NBEAL1: variants seen among roughly 807,000 people sequenced by gnomAD.
NBEAL1 encodes neurobeachin like 1, also known as neurobeachin-like protein 1.
In NBEAL1, 273 loss-of-function variants were observed where a neutral mutation model predicts 351.3. The observed-to-expected ratio is 0.78, with a 90% CI of 0.70 to 0.86. NBEAL1 has a LOEUF of 0.86. NBEAL1 is among the 40% of genes least tolerant of loss of function. NBEAL1 has a pLI of 0.00. For synonymous variants in NBEAL1, 1,050 were observed against 1,086.4 expected, an observed-to-expected ratio of 0.97 and a Z score of 0.66; for missense variants, 2,961 against 3,201.3, an observed-to-expected ratio of 0.92 and a Z score of 1.81.
intron 33 of NBEAL1, 92 bp downstream of exon 33, chr2:203,145,252 C>T: frequency 9.3e-7 from 1 of 1,070,266 alleles, no homozygotes; most frequent in South Asian, 2.1e-5. Context: ...AACTTTAAAA[C>T]AAGCAGTATT....
At position 203,127,714 on chromosome 2, in the gene NBEAL1, T is replaced by TC. The variant is rs1159483258; in HGVS notation, c.3249-65dup. Reference sequence around the variant, plus strand: ...TCCAGCCTGGGCAACAGAGCGAGACTCCATCTCAGAAAAAAGGAAATGTAA... The same window carrying TC: ...TCCAGCCTGGGCAACAGAGCGAGACTCCCATCTCAGAAAAAAGGAAATGTAA... On this transcript the variant is annotated intron_variant, in intron 23 of 55. Transcript: ENST00000683969. The TC allele has an allele frequency of 5.8e-6, 6 of 1,037,212 alleles. No homozygotes were observed. In the South Asian group the frequency reaches 6.0e-5, roughly 10 times the overall value. The allele number at this position is 1,037,212 out of a possible 1,614,324, so 64.3% of individuals were successfully genotyped here.
chr2:203,216,857 A>T (rs1185118012), intron 55 of NBEAL1, among the ~76,000 whole-genome samples: 1 of 152,134 alleles, frequency 6.6e-6, no homozygotes, highest in Non-Finnish European at 1.5e-5. Context: ...AGGCTGGAGG[A>T]CAGTGGCACG....
chr2:203,023,787 A>G (rs1574858162), intron 2 of NBEAL1, among the ~76,000 whole-genome samples: 1 of 152,268 alleles, frequency 6.6e-6, no homozygotes. Context: ...TGCTGGAAAT[A>G]AAGATTTGAG....
At chr2:203,150,740 G>T (rs2106352358) in intron 34 of NBEAL1, among the ~76,000 whole-genome samples, 1 of 151,762 alleles carries the variant, frequency 6.6e-6, no homozygotes, top group African/African-American at 2.4e-5. Flanking sequence ...CAATTATATT[G>T]CCTTTATTTG....
intron 7 of NBEAL1, among the ~76,000 whole-genome samples, chr2:203,075,701 G>A (rs1269563970): frequency 6.6e-6 from 1 of 152,186 alleles, no homozygotes; most frequent in Non-Finnish European, 1.5e-5. Flanking sequence ...CTCAGCAAAT[G>A]GCTGTGTTCT....
At chr2:203,032,062 A>C in intron 2 of NBEAL1, among the ~76,000 whole-genome samples, 1 of 152,238 alleles carries the variant, frequency 6.6e-6, no homozygotes, top group East Asian at 1.9e-4. Context: ...CCAGAAGTTC[A>C]GTAATGAGTA....
intron 18 of NBEAL1, among the ~76,000 whole-genome samples, chr2:203,121,921 G>A (rs1410424129): frequency 1.3e-5 from 2 of 151,890 alleles, no homozygotes; most frequent in Non-Finnish European, 2.9e-5. Context: ...GAGTAGCTGG[G>A]ATTACAGGTG....
chr2:203,046,364 C>T (rs761383616), intron 3 of NBEAL1, among the ~76,000 whole-genome samples: 47 of 152,018 alleles, frequency 3.1e-4, no homozygotes, highest in Non-Finnish European at 5.9e-4. Context: ...TACAGGCACC[C>T]GCCACCACGC....
intron 47 of NBEAL1, among the ~76,000 whole-genome samples, chr2:203,195,029 C>G (rs969011671): frequency 6.6e-6 from 1 of 151,888 alleles, no homozygotes; most frequent in Admixed American, 6.6e-5. Context: ...AACCCCGTCT[C>G]TACTAAAAAA....
At chr2:203,020,944 G>C (rs570678531) in intron 2 of NBEAL1, among the ~76,000 whole-genome samples, 97 of 152,104 alleles carry the variant, frequency 6.4e-4, no homozygotes, top group African/African-American at 2.2e-3. Context: ...TTTTGGAGAC[G>C]GAGTCTCACT....
intron 31 of NBEAL1, among the ~76,000 whole-genome samples, chr2:203,139,078 G>A (rs1040784286): frequency 6.6e-6 from 1 of 151,522 alleles, no homozygotes; most frequent in Non-Finnish European, 1.5e-5. Context: ...TGCAGTTTAG[G>A]GCTTGAATTT....
chr2:203,218,972 G>A lies in NBEAL1; in HGVS notation c.*1618G>A, dbSNP rs540667747. On this transcript the variant is annotated 3_prime_UTR_variant, in exon 56 of 56. Transcript: ENST00000683969. ...AAATAGAACATATTTAAATGTCAAG[G>A]TGTCTTTTCTTAAGACTTCAGGAAT... 3.3e-5 allele frequency: 5 copies of A among 152,212 alleles called. No individual in the cohort carries two copies. The South Asian group carries it at 8.3e-4, about 25-fold the overall frequency. The allele number at this position is 152,212 out of a possible 1,614,324, so 9.4% of individuals were successfully genotyped here.
At chr2:203,077,343 C>T (rs1406669321) in intron 7 of NBEAL1, among the ~76,000 whole-genome samples, 1 of 151,852 alleles carries the variant, frequency 6.6e-6, no homozygotes, top group African/African-American at 2.4e-5. Flanking sequence ...GCACTCCAGC[C>T]TGGGCGATAT....
At chr2:203,124,101 C>T (rs1355825435) in intron 19 of NBEAL1, among the ~76,000 whole-genome samples, 1 of 152,140 alleles carries the variant, frequency 6.6e-6, no homozygotes, top group Non-Finnish European at 1.5e-5. Flanking sequence ...CTTTGGGAGG[C>T]CATGGCGGGC....
At chr2:203,125,854 T>C (rs2062926254) in intron 20 of NBEAL1, 106 bp from the exon 21 acceptor site, 7 of 957,922 alleles carry the variant, frequency 7.3e-6, no homozygotes, top group Non-Finnish European at 1.0e-5. Context: ...AGCTGACTGC[T>C]GAACCAGATT....
intron 12 of NBEAL1, among the ~76,000 whole-genome samples, chr2:203,104,681 G>T (rs1226520590): frequency 2.0e-5 from 3 of 152,126 alleles, no homozygotes; most frequent in South Asian, 4.2e-4. Context: ...GTAGTGGCTG[G>T]TAATGGTCTT....
At chr2:203,090,066 G>A (rs1015879519) in intron 10 of NBEAL1, among the ~76,000 whole-genome samples, 10 of 152,070 alleles carry the variant, frequency 6.6e-5, no homozygotes, top group Admixed American at 6.5e-4. Context: ...GCATATTGAA[G>A]TTTATTTTAT....
At chr2:203,034,572 C>A (rs1271505910) in intron 2 of NBEAL1, among the ~76,000 whole-genome samples, 1 of 147,288 alleles carries the variant, frequency 6.8e-6, no homozygotes, top group Non-Finnish European at 1.5e-5. Flanking sequence ...AACTCTCCTG[C>A]CTCAGCCTCC....
intron 41 of NBEAL1, among the ~76,000 whole-genome samples, chr2:203,173,068 A>G (rs2064374833): frequency 6.6e-6 from 1 of 152,174 alleles, no homozygotes; most frequent in Admixed American, 6.5e-5. Flanking sequence ...TCATCACCAA[A>G]TTTAAATTGA....
Sources: gnomAD v4.1 joint callset for allele counts (sites outside exome capture counted in the v4.1 genomes callset) on GRCh38, gnomAD v4.1.1 for gene constraint, MANE v1.5 for transcripts, NCBI Gene and HGNC (gene_info 2026-07-23, HGNC 2026-07-21) for gene names.